The following EVC variants were observed in gnomAD, a reference collection of about 807,000 sequenced individuals.
The protein encoded by EVC is EvC ciliary complex subunit 1.
Under a neutral mutation model 118.9 loss-of-function variants are expected in EVC, and 116 were observed. The ratio of observed to expected loss-of-function variants is 0.98; its 90% confidence interval spans 0.84 to 1.14. The LOEUF (loss-of-function observed/expected upper bound fraction) is 1.14. Among genes scored for constraint, EVC ranks in the 50% most tolerant of loss-of-function variants. EVC has a pLI of 0.00. For missense variants in EVC, 1,401 were observed against 1,246.4 expected, an observed-to-expected ratio of 1.12 and a Z score of -1.87; for synonymous variants, 619 against 534.7, an observed-to-expected ratio of 1.16 and a Z score of -2.18.
the EVC span, among the ~76,000 whole-genome samples, chr4:5,820,367 A>C: frequency 6.6e-6 from 1 of 152,122 alleles, no homozygotes; most frequent in Non-Finnish European, 1.5e-5. Flanking sequence ...AATGGAAGCA[A>C]GCAACTTTGC....
intron 11 of EVC, among the ~76,000 whole-genome samples, chr4:5,777,361 C>T (rs887693177): frequency 2.2e-4 from 33 of 152,156 alleles, no homozygotes; most frequent in African/African-American, 8.0e-4. Flanking sequence ...TGGGTACCAA[C>T]TGTAAGTGTG....
intron 1 of EVC, among the ~76,000 whole-genome samples, chr4:5,718,764 T>A (rs373753699): frequency 2.0e-5 from 3 of 152,342 alleles, no homozygotes; most frequent in East Asian, 1.9e-4. Context: ...TAATGAGCAT[T>A]CATTGTAGTT....
rs1401768593 is a variant in EVC, at chr4:5,754,146, C to CACTG, written c.1464+214_1464+217dup. On this transcript the variant is annotated intron_variant, in intron 10 of 20. Transcript: ENST00000264956. This position sits in a 1 kb window ranked among gnomAD's most constrained non-coding sequence, Gnocchi z 5.8. ...CTGGTGATAAGAGTTGTGCTGCCCT[C>CACTG]ACTGGGCTGCTGAGAAGAGGAGGGG... Among the ~76,000 whole-genome samples, 1 of 152,302 alleles carries CACTG rather than the reference C, an allele frequency of 6.6e-6. No individual in the cohort carries two copies. The highest frequency in any genetic ancestry group is 6.5e-5 in the Admixed American group (1 of 15,302).
At chr4:5,810,825 A>G in intron 20 of EVC, 128 bp from the exon 21 acceptor site, 2 of 890,648 alleles carry the variant, frequency 2.2e-6, no homozygotes, top group African/African-American at 1.7e-5. Flanking sequence ...TTAACAACCC[A>G]TGTCAAAGTA....
At chr4:5,727,034 A>C (rs1037248205) in intron 2 of EVC, among the ~76,000 whole-genome samples, 1 of 152,086 alleles carries the variant, frequency 6.6e-6, no homozygotes, top group African/African-American at 2.4e-5. Context: ...ATAAATATAC[A>C]TGTGCATGTG....
intron 17 of EVC, 82 bp from the exon 18 acceptor site, chr4:5,808,119 C>G (rs1348480933): frequency 2.0e-6 from 2 of 1,021,748 alleles, no homozygotes; most frequent in Admixed American, 4.8e-5. Context: ...CAGCAGCCTC[C>G]CTGCCTTCCT....
chr4:5,808,106 G>T, intron 17 of EVC, 95 bp from the exon 18 acceptor site: 1 of 978,482 alleles, frequency 1.0e-6, no homozygotes, highest in South Asian at 1.5e-5. Flanking sequence ...GGCTCCCAGG[G>T]ATCAGCAGCC....
At position 5,742,498 on chromosome 4, in the gene EVC, C is replaced by T. The variant is rs1386215951; in HGVS notation, c.801+684C>T. On this transcript the variant is annotated intron_variant, in intron 6 of 20. Transcript: ENST00000264956. The surrounding 1 kb of genome is among the most constrained non-coding windows in gnomAD (Gnocchi z 5.2). ...CTATTACTATCACAGTTCTCTTCTTCATCATGTCATTGTTGTCATCACCAT... is the reference window on the plus strand; with the variant it reads ...CTATTACTATCACAGTTCTCTTCTTTATCATGTCATTGTTGTCATCACCAT... Among the ~76,000 whole-genome samples, 1 of 152,124 alleles carries T rather than the reference C, an allele frequency of 6.6e-6. No homozygotes were observed. The highest frequency in any genetic ancestry group is 1.5e-5 in the Non-Finnish European group (1 of 68,022).
rs536273929 is a variant in EVC, at chr4:5,798,074, C to A, written c.2098-512C>A. On this transcript the variant is annotated intron_variant, in intron 14 of 20. Coordinates refer to ENST00000264956, the MANE Select transcript of EVC (RefSeq NM_153717.3). This position sits in a 1 kb window ranked among gnomAD's most constrained non-coding sequence, Gnocchi z 4.1. ...CTCTATCCAGGAGAGCTCCGAGGAG[C>A]AGGCAGGACTCACGGACCTCGCTAC... Among the ~76,000 whole-genome samples, 7 of 152,308 alleles carry A rather than the reference C, an allele frequency of 4.6e-5. No individual in the cohort carries two copies. The South Asian group carries it at 1.4e-3, about 32-fold the overall frequency.
At chr4:5,748,327 AG>A in intron 8 of EVC, 21 bp downstream of exon 8, 3 of 1,613,544 alleles carry the variant, frequency 1.9e-6, no homozygotes, top group Non-Finnish European at 1.7e-6. Flanking sequence ...AGGGGGCGGG[AG>A]GGAACATAAA....
At chr4:5,801,350 T>A (rs1291763958) in intron 15 of EVC, among the ~76,000 whole-genome samples, 1 of 152,152 alleles carries the variant, frequency 6.6e-6, no homozygotes, top group Non-Finnish European at 1.5e-5. Flanking sequence ...AACAGCAGTC[T>A]TTCACCTGCT....
At chr4:5,728,709 T>G (rs1475524029) in intron 2 of EVC, among the ~76,000 whole-genome samples, 1 of 152,212 alleles carries the variant, frequency 6.6e-6, no homozygotes, top group Non-Finnish European at 1.5e-5. Flanking sequence ...TTCCTTTTGT[T>G]TAAGGGTCTA....
intron 7 of EVC, 123 bp downstream of exon 7, chr4:5,745,464 C>G: frequency 9.9e-7 from 1 of 1,011,728 alleles, no homozygotes; most frequent in South Asian, 1.4e-5. Context: ...CGCATTCTGC[C>G]CTAGAGGCAG....
At position 5,797,252 on chromosome 4, in the gene EVC, C is replaced by T. The variant is rs2152341015; in HGVS notation, c.2097+20C>T. 1 of 1,580,330 alleles carries T rather than the reference C, an allele frequency of 6.3e-7. No individual in the cohort carries two copies. The highest frequency in any genetic ancestry group is 2.3e-5 in the East Asian group (1 of 43,212). On this transcript the variant is annotated intron_variant, in intron 14 of 20. Coordinates refer to ENST00000264956, the MANE Select transcript of EVC (RefSeq NM_153717.3). ...GCCCTGGTAAGACCAGCATGGTGGC[C>T]CCACCCATTCCAGACAGGCGGTGCC...
At chr4:5,774,764 A>T (rs898292624) in intron 11 of EVC, among the ~76,000 whole-genome samples, 1 of 152,142 alleles carries the variant, frequency 6.6e-6, no homozygotes, top group Non-Finnish European at 1.5e-5. Flanking sequence ...GCCAGCTTCT[A>T]TTCCCCACCA....
Position 5,711,514 on chromosome 4 carries a change from G to T in EVC, c.134G>T (p.Trp45Leu). ...GAALGLGLGL[W>L]LGCRAGRQRT... ...GCGCTCGGCCTCGGCCTCGGCCTTTGGCTTGGCTGCCGCGCGGGCCGCCAG... is the reference window on the plus strand; with the variant it reads ...GCGCTCGGCCTCGGCCTCGGCCTTTTGCTTGGCTGCCGCGCGGGCCGCCAG... Residue 45 changes from tryptophan (W) to leucine (L), a missense_variant, in exon 1 of 21, where the codon TGG becomes TTG. Transcript: ENST00000264956. The T allele has an allele frequency of 8.6e-7, 1 of 1,164,018 alleles. No homozygotes were observed. 72.1% of individuals were successfully genotyped at this position (1,164,018 alleles called of 1,614,324 possible). A position where few individuals can be genotyped will look rare whatever the true frequency, so the allele number is the denominator to read the frequency against.
intron 11 of EVC, among the ~76,000 whole-genome samples, chr4:5,770,961 G>A (rs528905655): frequency 1.3e-5 from 2 of 151,580 alleles, no homozygotes; most frequent in Admixed American, 6.6e-5. Flanking sequence ...GCAGTGAGAC[G>A]AGATCGCACC....
chr4:5,741,701 C>G lies in EVC; in HGVS notation c.703-15C>G. 2 of 1,488,798 alleles carry G rather than the reference C, an allele frequency of 1.3e-6. No individual in the cohort carries two copies. The highest frequency in any genetic ancestry group is 1.7e-5 in the Admixed American group (1 of 59,400). The allele number at this position is 1,488,798 out of a possible 1,614,324, so 92.2% of individuals were successfully genotyped here. On this transcript the variant is annotated splice_polypyrimidine_tract_variant and intron_variant, in intron 5 of 20. Transcript: ENST00000264956. ...TTAAACTTTTCTTTTGTTATCTTTC[C>G]TTTCTTGGCAATAGATGTTTATTCA...
Position 5,804,808 on chromosome 4 carries a change from G to A in EVC, c.2528G>A (p.Gly843Asp). 2 of 1,614,124 alleles carry A rather than the reference G, an allele frequency of 1.2e-6. No homozygotes were observed. Among genetic ancestry groups the A allele is most frequent in the African/African-American group, 1.3e-5 (1 of 75,024 alleles). ...TCGTCGGGCAGCAGGACGGCAGGTG[G>A]CGCTCATGAGACCTCCCAGGCGGTC... ...NPSSGSRTAGGAHETSQAVHQ... is the reference protein window; with the variant it reads ...NPSSGSRTAGDAHETSQAVHQ... Residue 843 changes from glycine (G) to aspartate (D), a missense_variant, in exon 17 of 21, where the codon GGC becomes GAC. Coordinates refer to ENST00000264956, the MANE Select transcript of EVC (RefSeq NM_153717.3).
Sources: gnomAD v4.1 joint callset for allele counts (sites outside exome capture counted in the v4.1 genomes callset) on GRCh38, gnomAD v4.1.1 for gene constraint, Gnocchi (gnomAD v3.1) non-coding constraint, MANE v1.5 for transcripts, NCBI Gene and HGNC (gene_info 2026-07-23, HGNC 2026-07-21) for gene names.